The following ZNF474 variants were observed in gnomAD, a reference collection of about 807,000 sequenced individuals.
The protein encoded by ZNF474 is 4933409D10Rik.
For missense variants in ZNF474, 511 were observed against 433.8 expected, an observed-to-expected ratio of 1.18 and a Z score of -1.58; for synonymous variants, 192 against 162.2, an observed-to-expected ratio of 1.18 and a Z score of -1.39.
chr5:122,130,924 A>T (rs1755559676), intron 1 of ZNF474, among the ~76,000 whole-genome samples: 2 of 152,070 alleles, frequency 1.3e-5, no homozygotes, highest in South Asian at 4.1e-4. Context: ...TTATAATCAC[A>T]ATGCTGTACA....
At chr5:122,144,531 C>T (rs1755935130) in intron 1 of ZNF474, among the ~76,000 whole-genome samples, 1 of 152,184 alleles carries the variant, frequency 6.6e-6, no homozygotes, top group Non-Finnish European at 1.5e-5. Flanking sequence ...TTTTATGTGA[C>T]ATCTCCCAAT....
chr5:122,133,043 A>T (rs1755616444), intron 1 of ZNF474, among the ~76,000 whole-genome samples: 1 of 152,140 alleles, frequency 6.6e-6, no homozygotes, highest in African/African-American at 2.4e-5. Context: ...CAGCAACCTT[A>T]TTTTAAGTGA....
Position 122,152,476 on chromosome 5 carries a change from G to A in ZNF474, c.486G>A (p.Gln162=), listed in dbSNP as rs746226069. 1 of 1,614,182 alleles carries A rather than the reference G, an allele frequency of 6.2e-7. No individual in the cohort carries two copies. Among genetic ancestry groups the A allele is most frequent in the Non-Finnish European group, 8.5e-7 (1 of 1,180,032 alleles). ...ATNEAAFQSA[Q]AQLLPCESCG... is the part of the protein sequence containing the mutation. ...ACGAGGCTGCATTTCAGAGTGCCCA[G>A]GCTCAGCTGCTGCCCTGTGAATCCT... The change falls in exon 2 of 2, where the codon CAG becomes CAA. Residue 162 remains glutamine (Q), a synonymous_variant. Transcript: ENST00000296600.
chr5:122,144,043 G>T (rs1269547086), intron 1 of ZNF474, among the ~76,000 whole-genome samples: 1 of 151,806 alleles, frequency 6.6e-6, no homozygotes, highest in Non-Finnish European at 1.5e-5. Context: ...TTTCTCTAAA[G>T]TTATGTATAT....
intron 1 of ZNF474, among the ~76,000 whole-genome samples, chr5:122,143,302 G>C (rs901763763): frequency 6.6e-6 from 1 of 152,136 alleles, no homozygotes; most frequent in Non-Finnish European, 1.5e-5. Flanking sequence ...CCACACTTCT[G>C]ATACTAACAC....
chr5:122,151,436 C>G (rs192232167), intron 1 of ZNF474, among the ~76,000 whole-genome samples: 37 of 152,236 alleles, frequency 2.4e-4, no homozygotes, highest in Non-Finnish European at 5.3e-4. Flanking sequence ...GCAGTTTTCT[C>G]TTCTATGGTC....
At chr5:122,139,349 C>G (rs1223511587) in intron 1 of ZNF474, among the ~76,000 whole-genome samples, 1 of 152,158 alleles carries the variant, frequency 6.6e-6, no homozygotes, top group Non-Finnish European at 1.5e-5. Context: ...TTACCCATTC[C>G]TTGCCTATAT....
intron 1 of ZNF474, among the ~76,000 whole-genome samples, chr5:122,149,076 C>T (rs530479129): frequency 1.3e-5 from 2 of 152,040 alleles, no homozygotes; most frequent in South Asian, 2.1e-4. Flanking sequence ...AAATACCACA[C>T]GTTCTCACTT....
intron 1 of ZNF474, among the ~76,000 whole-genome samples, chr5:122,137,941 G>A (rs1196461633): frequency 6.6e-6 from 1 of 152,204 alleles, no homozygotes; most frequent in East Asian, 1.9e-4. Context: ...GATGCGAGGC[G>A]CACCCGTTCA....
intron 1 of ZNF474, among the ~76,000 whole-genome samples, chr5:122,137,201 G>C (rs1755721309): frequency 6.6e-6 from 1 of 151,988 alleles, no homozygotes; most frequent in African/African-American, 2.4e-5. Flanking sequence ...TTGGGACAGA[G>C]GGAAAGAAAT....
At chr5:122,133,026 C>A (rs2152602980) in intron 1 of ZNF474, among the ~76,000 whole-genome samples, 1 of 152,194 alleles carries the variant, frequency 6.6e-6, no homozygotes, top group South Asian at 2.1e-4. Context: ...CCAAATGTTT[C>A]CCCAGGCAGC....
At chr5:122,131,365 G>C (rs943371899) in intron 1 of ZNF474, among the ~76,000 whole-genome samples, 2 of 152,102 alleles carry the variant, frequency 1.3e-5, no homozygotes, top group African/African-American at 4.8e-5. Context: ...ACACTTCCTT[G>C]TTCATTGCAG....
At chr5:122,139,821 T>A (rs375530611) in intron 1 of ZNF474, among the ~76,000 whole-genome samples, 5 of 152,232 alleles carry the variant, frequency 3.3e-5, no homozygotes, top group African/African-American at 1.2e-4. Flanking sequence ...AGAGTAAACT[T>A]GTTATTTCTC....
At chr5:122,137,681 G>A (rs1561438076) in intron 1 of ZNF474, among the ~76,000 whole-genome samples, 1 of 151,998 alleles carries the variant, frequency 6.6e-6, no homozygotes, top group Admixed American at 6.6e-5. Context: ...CATGGATGGA[G>A]CATGGTGCAG....
At chr5:122,144,904 G>C (rs1037051519) in intron 1 of ZNF474, among the ~76,000 whole-genome samples, 2 of 152,098 alleles carry the variant, frequency 1.3e-5, no homozygotes, top group Non-Finnish European at 2.9e-5. Context: ...CATGACTCTT[G>C]GGTACTCTGT....
intron 1 of ZNF474, among the ~76,000 whole-genome samples, chr5:122,139,997 A>G (rs1314210124): frequency 6.6e-6 from 1 of 152,210 alleles, no homozygotes; most frequent in African/African-American, 2.4e-5. Flanking sequence ...TTGGTGTCCC[A>G]TGAATGTAGG....
intron 1 of ZNF474, among the ~76,000 whole-genome samples, chr5:122,141,818 C>T (rs1580603150): frequency 6.6e-6 from 1 of 152,178 alleles, no homozygotes; most frequent in East Asian, 1.9e-4. Flanking sequence ...GAGGTGCCTG[C>T]ATTTTTTAAC....
intron 1 of ZNF474, among the ~76,000 whole-genome samples, chr5:122,133,192 G>A (rs1302687082): frequency 6.6e-6 from 1 of 152,142 alleles, no homozygotes; most frequent in African/African-American, 2.4e-5. Context: ...AATTTATTCA[G>A]TAATTTATTG....
intron 1 of ZNF474, among the ~76,000 whole-genome samples, chr5:122,133,635 C>T (rs1420419830): frequency 1.3e-5 from 2 of 152,204 alleles, no homozygotes; most frequent in East Asian, 3.9e-4. Context: ...TCACAGCTCA[C>T]TGCACCCTCG....
Sources: gnomAD v4.1 joint callset for allele counts (sites outside exome capture counted in the v4.1 genomes callset) on GRCh38, gnomAD v4.1.1 for gene constraint, MANE v1.5 for transcripts, NCBI Gene and HGNC (gene_info 2026-07-23, HGNC 2026-07-21) for gene names.